CUL5: variants seen among roughly 807,000 people sequenced by gnomAD.
CUL5 encodes the protein cullin 5.
In CUL5, 26 loss-of-function variants were observed where a neutral mutation model predicts 108.8. That is an observed-to-expected ratio of 0.24 (90% confidence interval 0.18 to 0.33). The LOEUF (loss-of-function observed/expected upper bound fraction) is 0.33, where lower values mean the gene tolerates loss of function less well. Ranked by LOEUF, CUL5 falls within the 10% of genes least tolerant of loss-of-function variation. The probability of loss-of-function intolerance (pLI) is 1.00; values close to 1 mark genes in which losing one functional copy is unlikely to be tolerated. For synonymous variants in CUL5, 334 were observed against 298.0 expected, an observed-to-expected ratio of 1.12 and a Z score of -1.25; for missense variants, 524 against 909.2, an observed-to-expected ratio of 0.58 and a Z score of 5.45.
At chr11:108,040,717 T>G (rs995388627) in intron 2 of CUL5, among the ~76,000 whole-genome samples, 29 of 151,922 alleles carry the variant, frequency 1.9e-4, no homozygotes, top group African/African-American at 6.5e-4. Flanking sequence ...ACAGGAGTTT[T>G]AAGTTACGAG....
At chr11:108,066,791 A>G (rs1863693383) in intron 7 of CUL5, among the ~76,000 whole-genome samples, 1 of 152,250 alleles carries the variant, frequency 6.6e-6, no homozygotes, top group Non-Finnish European at 1.5e-5. Flanking sequence ...TTTATAGTAT[A>G]GTAATGATGC....
At chr11:108,058,281 A>C (rs1863448214) in intron 7 of CUL5, among the ~76,000 whole-genome samples, 1 of 103,904 alleles carries the variant, frequency 9.6e-6, no homozygotes. Context: ...CATAGCCCTG[A>C]TGTGTCACCC....
At chr11:108,038,840 C>T (rs562839344) in intron 2 of CUL5, among the ~76,000 whole-genome samples, 1 of 152,164 alleles carries the variant, frequency 6.6e-6, no homozygotes, top group South Asian at 2.1e-4. Flanking sequence ...TTGCTTATAT[C>T]TTTCTAAATC....
chr11:108,083,830 G>A (rs1313095902), intron 11 of CUL5, among the ~76,000 whole-genome samples: 1 of 152,188 alleles, frequency 6.6e-6, no homozygotes, highest in Non-Finnish European at 1.5e-5. Flanking sequence ...GATCCAGGCA[G>A]TAGAATAGGT....
intron 8 of CUL5, 96 bp downstream of exon 8, chr11:108,070,285 C>T (rs1863787958): frequency 1.2e-6 from 1 of 840,606 alleles, no homozygotes; most frequent in Non-Finnish European, 2.0e-6. Flanking sequence ...TTCTTTTCCA[C>T]ATAGGTATAT....
At chr11:108,065,160 G>GT (rs1457509381) in intron 7 of CUL5, among the ~76,000 whole-genome samples, 1 of 151,942 alleles carries the variant, frequency 6.6e-6, no homozygotes, top group Admixed American at 6.6e-5. Flanking sequence ...CAAGTAGCTG[G>GT]GACTACAGGC....
At chr11:108,068,748 G>A (rs1863752614) in intron 7 of CUL5, among the ~76,000 whole-genome samples, 3 of 151,996 alleles carry the variant, frequency 2.0e-5, no homozygotes, top group South Asian at 2.1e-4. Flanking sequence ...TACATGACAC[G>A]AGGGAGCAGA....
chr11:108,063,507 A>G (rs1318827605), intron 7 of CUL5, among the ~76,000 whole-genome samples: 1 of 151,954 alleles, frequency 6.6e-6, no homozygotes, highest in Non-Finnish European at 1.5e-5. Context: ...CAATACATGT[A>G]TACATATGTA....
At chr11:108,050,798 T>C (rs1039978542) in intron 4 of CUL5, among the ~76,000 whole-genome samples, 20 of 152,246 alleles carry the variant, frequency 1.3e-4, no homozygotes, top group Admixed American at 1.3e-3. Context: ...TTTACTTAAC[T>C]CTTCTATTAT....
intron 1 of CUL5, among the ~76,000 whole-genome samples, chr11:108,029,451 G>A (rs140523971): frequency 1.3e-3 from 205 of 152,332 alleles, no homozygotes; most frequent in Non-Finnish European, 2.1e-3. Flanking sequence ...GAATTCAAGA[G>A]GCTTTGTAGC....
chr11:108,089,127 T>G (rs1464325488), intron 12 of CUL5, among the ~76,000 whole-genome samples: 1 of 151,872 alleles, frequency 6.6e-6, no homozygotes, highest in Non-Finnish European at 1.5e-5. Context: ...ATTGGGCAAG[T>G]GTAGACAGAA....
intron 8 of CUL5, 30 bp downstream of exon 8, chr11:108,070,219 A>T (rs1459059639): frequency 6.7e-7 from 1 of 1,492,676 alleles, no homozygotes; most frequent in Non-Finnish European, 9.3e-7. Flanking sequence ...AAGTTATCAT[A>T]ATCTTCTAAG....
chr11:108,089,163 G>A (rs1396969005), intron 12 of CUL5, among the ~76,000 whole-genome samples: 1 of 151,562 alleles, frequency 6.6e-6, no homozygotes, highest in Admixed American at 6.6e-5. Context: ...ACTAGTGTCA[G>A]AAAAAAAAGT....
At chr11:108,036,901 G>A (rs879422699) in intron 2 of CUL5, among the ~76,000 whole-genome samples, 3 of 152,136 alleles carry the variant, frequency 2.0e-5, no homozygotes, top group Non-Finnish European at 4.4e-5. Flanking sequence ...GGAACTGCAG[G>A]CAGCAGCAGC....
intron 11 of CUL5, among the ~76,000 whole-genome samples, chr11:108,079,858 GT>G (rs1864030185): frequency 1.3e-5 from 2 of 152,064 alleles, no homozygotes; most frequent in African/African-American, 4.8e-5. Flanking sequence ...TGTACTTCTT[GT>G]GTAAAGCTTC....
At chr11:108,045,198 CTTTTGT>C (rs1452309018) in intron 2 of CUL5, among the ~76,000 whole-genome samples, 11 of 152,068 alleles carry the variant, frequency 7.2e-5, no homozygotes, top group Admixed American at 6.6e-4. Flanking sequence ...TTTATGATAG[CTTTTGT>C]TTTTGTTTTT....
chr11:108,066,442 A>G (rs1426272107), intron 7 of CUL5, among the ~76,000 whole-genome samples: 1 of 152,160 alleles, frequency 6.6e-6, no homozygotes, highest in Non-Finnish European at 1.5e-5. Context: ...TTGTCCAGCA[A>G]GAGTCACTCT....
At chr11:108,039,128 C>G (rs946610990) in intron 2 of CUL5, among the ~76,000 whole-genome samples, 1 of 152,086 alleles carries the variant, frequency 6.6e-6, no homozygotes, top group African/African-American at 2.4e-5. Context: ...TCAAGCAATT[C>G]TCTTGCTTCA....
intron 13 of CUL5, among the ~76,000 whole-genome samples, chr11:108,090,247 G>C (rs1864318207): frequency 6.6e-6 from 1 of 152,122 alleles, no homozygotes; most frequent in Non-Finnish European, 1.5e-5. Flanking sequence ...CCAGCACTTT[G>C]GGAGGCCAAG....
Sources: allele counts gnomAD v4.1 joint callset (sites outside exome capture counted in the v4.1 genomes callset), GRCh38; gene constraint gnomAD v4.1.1; transcripts MANE v1.5; gene names NCBI Gene and HGNC (gene_info 2026-07-23, HGNC 2026-07-21).